SPAG9: variants seen among roughly 807,000 people sequenced by gnomAD.
SPAG9 encodes the protein sperm associated antigen 9, also known as C-Jun-amino-terminal kinase-interacting protein 4.
SPAG9 carries 35 observed loss-of-function variants against 166.5 expected under a neutral mutation model. That is an observed-to-expected ratio of 0.21 (90% CI 0.16 to 0.28). SPAG9 has a LOEUF of 0.28. Among genes scored for constraint, SPAG9 ranks in the 10% least tolerant of loss-of-function variants. The pLI, the probability that SPAG9 is intolerant of heterozygous loss-of-function variation, is 1.00. For synonymous variants in SPAG9, 534 were observed against 565.5 expected (o/e 0.94, Z 0.79); for missense variants, 1,235 against 1,603.3 (o/e 0.77, Z 3.92).
chr17:51,005,754 G>A (rs372899631), intron 11 of SPAG9, among the ~76,000 whole-genome samples: 30 of 152,356 alleles, frequency 2.0e-4, no homozygotes, highest in African/African-American at 7.0e-4. Context: ...AGAAGGCTGA[G>A]GCAAGAGAAT....
intron 2 of SPAG9, among the ~76,000 whole-genome samples, chr17:51,077,057 GCTATCTAGCTAGCTATCTAGCTAT>G (rs2048022854): frequency 7.9e-6 from 1 of 126,806 alleles, no homozygotes; most frequent in African/African-American, 2.9e-5. Flanking sequence ...TATCTAGCTA[GCTATCTAGCTAGCTATCTAGCTAT>G]CTAGCTAGCT....
intron 1 of SPAG9, among the ~76,000 whole-genome samples, chr17:51,088,753 G>C (rs568350251): frequency 6.6e-6 from 1 of 151,682 alleles, no homozygotes; most frequent in African/African-American, 2.4e-5. Flanking sequence ...AGCCGAGATC[G>C]TGCCACTGCA....
At position 50,996,687 on chromosome 17, in the gene SPAG9, C is replaced by T; in HGVS notation, c.1846G>A (p.Ala616Thr). 1 of 1,613,992 alleles carries T rather than the reference C, an allele frequency of 6.2e-7. No homozygotes were observed. The highest frequency in any genetic ancestry group is 8.5e-7 in the Non-Finnish European group (1 of 1,179,962). The part of the protein sequence containing the change: ...AFDFLSEETE[A>T]SLASRREQKR... Reference sequence around the variant, plus strand: ...TGTTCTCTGCGTGAGGCTAAACTAGCTTCAGTTCTAAAAGGAAAAAAGATT... The same window carrying T: ...TGTTCTCTGCGTGAGGCTAAACTAGTTTCAGTTCTAAAAGGAAAAAAGATT... Residue 616 changes from alanine to threonine, a missense_variant, in exon 16 of 30, where the codon GCT (alanine) becomes ACT (threonine). Around this residue, in one of 6 missense-constraint regions of SPAG9, gnomAD observed 493 missense variants for 559.4 expected, o/e 0.88. Transcript: ENST00000262013.
rs8125 is a variant in SPAG9 at position 50,965,987 on chromosome 17, C to T, written c.*285G>A. On this transcript the variant is annotated 3_prime_UTR_variant, in exon 30 of 30. Coordinates refer to ENST00000262013, the MANE Select transcript of SPAG9 (RefSeq NM_001130528.3). Reference sequence around the variant, plus strand: ...TGACATTAGACTGTGGCAGAGTAAACCACATCTGGATTGCTTTCTATAATT... The same window carrying T: ...TGACATTAGACTGTGGCAGAGTAAATCACATCTGGATTGCTTTCTATAATT... 20,593 of 316,214 alleles carry T rather than the reference C, an allele frequency of 0.065. 837 individuals carry two copies. The highest frequency in any genetic ancestry group is 0.1 in the Middle Eastern group (100 of 998). 19.6% of individuals were successfully genotyped at this position (316,214 alleles called of 1,614,324 possible).
chr17:51,014,530 C>T (rs1390127222), intron 8 of SPAG9, 177 bp from the exon 9 acceptor site: 2 of 506,520 alleles, frequency 3.9e-6, no homozygotes, highest in East Asian at 3.2e-5. Flanking sequence ...CACTAAGCTC[C>T]ATGGAAATAG....
chr17:50,992,091 T>C lies in SPAG9; in HGVS notation c.2399-1423A>G, dbSNP rs555645063. On this transcript the variant is annotated intron_variant, in intron 19 of 29. Coordinates refer to ENST00000262013, the MANE Select transcript of SPAG9 (RefSeq NM_001130528.3). Reference sequence around the variant, plus strand: ...TTTTGTGGAATGAGGTCTCACTATATTGCCCAGACTGGTCTCAAACTTCTG... The same window carrying C: ...TTTTGTGGAATGAGGTCTCACTATACTGCCCAGACTGGTCTCAAACTTCTG... 1.4e-4 allele frequency among the ~76,000 whole-genome samples: 21 copies of C among 151,976 alleles called. No homozygotes were observed. The South Asian group carries it at 3.9e-3, about 29-fold the overall frequency.
At chr17:51,021,502 T>A in intron 6 of SPAG9, 137 bp from the exon 7 acceptor site, 1 of 648,114 alleles carries the variant, frequency 1.5e-6, no homozygotes. Flanking sequence ...GAGCCACTGA[T>A]TACCGGTAAG....
At chr17:51,042,012 C>T (rs2046858160) in intron 4 of SPAG9, among the ~76,000 whole-genome samples, 1 of 152,148 alleles carries the variant, frequency 6.6e-6, no homozygotes, top group African/African-American at 2.4e-5. Flanking sequence ...TTGCAACCTC[C>T]TTCTTTGGAA....
intron 1 of SPAG9, among the ~76,000 whole-genome samples, chr17:51,100,827 G>A (rs186524497): frequency 6.2e-4 from 95 of 152,176 alleles, no homozygotes; most frequent in Admixed American, 1.2e-3. Context: ...GCTGAGGCAA[G>A]AGAATCGCTT....
chr17:51,046,503 A>G, intron 4 of SPAG9: 2 of 1,535,072 alleles, frequency 1.3e-6, no homozygotes, highest in Non-Finnish European at 1.7e-6. Context: ...GGAGTACCTG[A>G]GTATCCTTGG....
At chr17:51,107,715 C>T (rs886302679) in intron 1 of SPAG9, among the ~76,000 whole-genome samples, 6 of 147,458 alleles carry the variant, frequency 4.1e-5, no homozygotes, top group Non-Finnish European at 3.0e-5. Context: ...CCAGCCTGGG[C>T]GACAGCAAGA....
At chr17:50,967,826 T>A (rs1007139312) in intron 29 of SPAG9, among the ~76,000 whole-genome samples, 3 of 152,262 alleles carry the variant, frequency 2.0e-5, no homozygotes, top group African/African-American at 7.2e-5. Context: ...TTTGATTTTT[T>A]ACAACAGTAT....
intron 2 of SPAG9, among the ~76,000 whole-genome samples, chr17:51,066,431 G>A (rs752183942): frequency 2.0e-5 from 3 of 151,552 alleles, no homozygotes. Context: ...TTTAAAAATA[G>A]TTTACTTCGG....
chr17:51,112,542 G>A (rs1206077522), intron 1 of SPAG9, among the ~76,000 whole-genome samples: 3 of 151,162 alleles, frequency 2.0e-5, no homozygotes, highest in East Asian at 1.9e-4. Flanking sequence ...GTGATGGCGC[G>A]CGCCTGTAGT....
chr17:50,989,777 T>G lies in SPAG9; in HGVS notation c.2713A>C (p.Thr905Pro). 6.2e-7 allele frequency: 1 copy of G among 1,614,064 alleles called. No homozygotes were observed. The highest frequency in any genetic ancestry group is 8.5e-7 in the Non-Finnish European group (1 of 1,179,974). Residue 905 changes from threonine (T) to proline (P), a missense_variant, in exon 21 of 30, where the codon ACA becomes CCA. This residue lies in a region of SPAG9 where 493 missense variants were observed against 559.4 expected (regional missense o/e 0.88). Transcript: ENST00000262013. The part of the protein sequence containing the change: ...TEGNAGSAED[T>P]VDISQTGVYT... ...ACGCCAGTTTGGGAGATGTCCACTGTGTCTTCAGCTGACCCCGCATTCCCT... is the reference window on the plus strand; with the variant it reads ...ACGCCAGTTTGGGAGATGTCCACTGGGTCTTCAGCTGACCCCGCATTCCCT...
At chr17:51,027,878 G>C (rs987254475) in intron 6 of SPAG9, among the ~76,000 whole-genome samples, 3 of 152,160 alleles carry the variant, frequency 2.0e-5, no homozygotes, top group Admixed American at 2.0e-4. Flanking sequence ...GGTCCTTCAG[G>C]AAGTACTCTA....
chr17:51,021,280 G>GA lies in SPAG9; in HGVS notation c.868_869insT (p.Thr290IlefsTer2). ...GTTTTCTTCCTTTAAGGGAGTATCA[G>GA]TAGGAATTGTTGCCACATCTGAATT... On this transcript the variant is annotated frameshift_variant, in exon 7 of 30. Coordinates refer to ENST00000262013, the MANE Select transcript of SPAG9 (RefSeq NM_001130528.3). LOFTEE classifies it high-confidence loss of function. The GA allele has an allele frequency of 6.2e-7, 1 of 1,614,110 alleles. No individual in the cohort carries two copies. Among genetic ancestry groups the GA allele is most frequent in the Non-Finnish European group, 8.5e-7 (1 of 1,179,970 alleles).
At chr17:51,026,050 T>C (rs2046155311) in intron 6 of SPAG9, among the ~76,000 whole-genome samples, 1 of 152,192 alleles carries the variant, frequency 6.6e-6, no homozygotes, top group African/African-American at 2.4e-5. Context: ...TTTGAAACTA[T>C]GTCAAAAATA....
At chr17:51,034,929 C>G (rs566077510) in intron 5 of SPAG9, among the ~76,000 whole-genome samples, 1 of 152,280 alleles carries the variant, frequency 6.6e-6, no homozygotes, top group African/African-American at 2.4e-5. Context: ...CTAACCAGTA[C>G]TCTTCAAAAG....
Sources: allele counts gnomAD v4.1 joint callset (sites outside exome capture counted in the v4.1 genomes callset), GRCh38; gene constraint gnomAD v4.1.1; regional missense constraint gnomAD v4.1.1; transcripts MANE v1.5; gene names NCBI Gene and HGNC (gene_info 2026-07-23, HGNC 2026-07-21).